SLC25A41: variants seen among roughly 807,000 people sequenced by gnomAD.
SLC25A41 encodes solute carrier family 25 member 41.
A neutral mutation model predicts 34.7 loss-of-function variants in SLC25A41; 35 were observed. The observed-to-expected ratio is 1.01, with a 90% CI of 0.77 to 1.34. SLC25A41 has a LOEUF of 1.34. Ranked by LOEUF, SLC25A41 falls within the 40% of genes most tolerant of loss-of-function variation. The pLI is 0.00. For missense variants in SLC25A41, 492 were observed against 489.8 expected (o/e 1.00, Z -0.04); for synonymous variants, 190 against 209.9 (o/e 0.91, Z 0.82).
In SLC25A41 at chr19:6,433,503, T is replaced by C. The variant is rs2092294941; in HGVS notation, c.191A>G (p.His64Arg). ...TAAACTCACCTGCTGTGACGGGAGA[T>C]GTTCAAGGTTGTTGTCATGCATGTG... ...FGHMHDNNLE[H>R]LPSQQVLDTG... is the part of the protein sequence containing the mutation. Residue 64 changes from histidine (H) to arginine (R), a missense_variant, in exon 1 of 7, where the codon CAT becomes CGT. Coordinates refer to ENST00000321510, the MANE Select transcript of SLC25A41 (RefSeq NM_173637.4). 1 of 1,612,354 alleles carries C rather than the reference T, an allele frequency of 6.2e-7. No individual in the cohort carries two copies. The highest frequency in any genetic ancestry group is 1.7e-5 in the Admixed American group (1 of 59,922).
rs1161336048 is a variant in SLC25A41, at chr19:6,429,745, C to T, written c.603G>A (p.Gln201=). 7 of 1,606,566 alleles carry T rather than the reference C, an allele frequency of 4.4e-6. No individual in the cohort carries two copies. The highest frequency in any genetic ancestry group is 5.1e-6 in the Non-Finnish European group (6 of 1,177,212). ...LAGSLAVAIS[Q]TLINPMEVLK... is the part of the protein sequence containing the mutation. ...TTACCTCCATGGGGTTGATGAGGGT[C>T]TGGGAGATGGCCACAGCCAGGGAGC... Residue 201 remains glutamine, a synonymous_variant, in exon 4 of 7, where the codon CAG becomes CAA. Transcript: ENST00000321510.
rs561953744 is a variant in SLC25A41 at position 6,427,766 on chromosome 19, C to T, written c.625-265G>A. Among the ~76,000 whole-genome samples, 4 of 152,292 alleles carry T rather than the reference C, an allele frequency of 2.6e-5. No individual in the cohort carries two copies. The highest frequency in any genetic ancestry group is 4.1e-4 in the South Asian group (2 of 4,826). On this transcript the variant is annotated intron_variant, in intron 4 of 6. Coordinates refer to ENST00000321510, the MANE Select transcript of SLC25A41 (RefSeq NM_173637.4). The surrounding 1 kb of genome is among the most constrained non-coding windows in gnomAD (Gnocchi z 4.9). ...CTTTGGGAGGCTGAGGCGGGAGGAT[C>T]GCTTGAGGCCGGGAGTTCGAGACCA...
In SLC25A41 at chr19:6,427,995, GGAAA is replaced by G. The variant is rs2092251964; in HGVS notation, c.625-498_625-495del. On this transcript the variant is annotated intron_variant, in intron 4 of 6. Coordinates refer to ENST00000321510, the MANE Select transcript of SLC25A41 (RefSeq NM_173637.4). This position sits in a 1 kb window ranked among gnomAD's most constrained non-coding sequence, Gnocchi z 4.9. The stretch of plus-strand genomic sequence containing the variant: ...ATGGCAAAAAGATCAAGCACTGGGG[GGAAA>G]GAAAGAGAGTGAATAGGTAGAAAAC... Among the ~76,000 whole-genome samples the G allele has an allele frequency of 6.6e-6, 1 of 152,076 alleles. No homozygotes were observed. Among genetic ancestry groups the G allele is most frequent in the Non-Finnish European group, 1.5e-5 (1 of 68,016 alleles).
chr19:6,430,215 C>A, intron 2 of SLC25A41, 54 bp from the exon 3 acceptor site: 1 of 1,532,020 alleles, frequency 6.5e-7, no homozygotes. Flanking sequence ...TCTCCGTCCC[C>A]ATCCCTGCCC....
rs1491568414 is a variant in SLC25A41, at chr19:6,429,144, A to ATATATG, written c.624+579_624+580insCATATA. On this transcript the variant is annotated intron_variant, in intron 4 of 6. Coordinates refer to ENST00000321510, the MANE Select transcript of SLC25A41 (RefSeq NM_173637.4). ...TTATATATATGTTATATATATATAT[A>ATATATG]ATATATATATTATATATATAATATA... Among the ~76,000 whole-genome samples the ATATATG allele has an allele frequency of 6.5e-5, 2 of 30,712 alleles. 1 individual carries two copies. Among genetic ancestry groups the ATATATG allele is most frequent in the Admixed American group, 1.6e-3 (2 of 1,230 alleles). 20.1% of individuals were successfully genotyped at this position (30,712 alleles called of 152,430 possible).
intron 2 of SLC25A41, among the ~76,000 whole-genome samples, 165 bp downstream of exon 2, chr19:6,431,884 C>T (rs2092286880): frequency 6.6e-6 from 1 of 152,142 alleles, no homozygotes; most frequent in African/African-American, 2.4e-5. Context: ...TCCACACCAG[C>T]TCTATCACCA....
At chr19:6,429,695 C>T in intron 4 of SLC25A41, 29 bp downstream of exon 4, 5 of 1,518,472 alleles carry the variant, frequency 3.3e-6, no homozygotes, top group Non-Finnish European at 3.5e-6. Context: ...CACGGCGTTT[C>T]CTCACCTGCG....
chr19:6,432,473 A>ATTTTTTTTTT (rs34519561), intron 1 of SLC25A41, among the ~76,000 whole-genome samples: 2 of 80,992 alleles, frequency 2.5e-5, no homozygotes, highest in African/African-American at 1.1e-4. Context: ...ACAACACCTA[A>ATTTTTTTTTT]TTTTTTTTTT....
chr19:6,429,144 A>ATATATATG (rs1491568414), intron 4 of SLC25A41, among the ~76,000 whole-genome samples: 1 of 30,712 alleles, frequency 3.3e-5, no homozygotes, highest in Non-Finnish European at 5.0e-5. Context: ...ATATATATAT[A>ATATATATG]ATATATATAT....
chr19:6,433,885 C>T (rs187655872), upstream of SLC25A41: 5,929 of 478,122 alleles, frequency 0.012, 62 homozygotes, highest in South Asian at 0.027. Context: ...ACCTCCTGAT[C>T]CCCCAAACCA....
In SLC25A41 at chr19:6,426,375, G is replaced by A. The variant is rs778736945; in HGVS notation, c.*14C>T. Reference sequence around the variant, plus strand: ...GTCCCATTTCTGCCTAGGCTGTGTCGTCCAGCTCACAGCCTATATGCCCAG... The same window carrying A: ...GTCCCATTTCTGCCTAGGCTGTGTCATCCAGCTCACAGCCTATATGCCCAG... On this transcript the variant is annotated 3_prime_UTR_variant, in exon 7 of 7. Transcript: ENST00000321510. The A allele has an allele frequency of 1.9e-6, 3 of 1,608,808 alleles. No individual in the cohort carries two copies. The highest frequency in any genetic ancestry group is 2.2e-5 in the East Asian group (1 of 44,676).
rs576925526 is a variant in SLC25A41 at position 6,433,595 on chromosome 19, G to C, written c.99C>G (p.Pro33=). ...AGGATGGGGGTGGAGGCGGAGGTTG[G>C]GGGGGAGGCGGGGCTTTGATGAGTA... is the stretch of plus-strand genomic sequence containing the variant. ...KTLLIKAPPP[P]QPPPPPPSWN... is the part of the protein sequence containing the mutation. Residue 33 remains proline (P), a synonymous_variant, in exon 1 of 7, where the codon CCC becomes CCG. Coordinates refer to ENST00000321510, the MANE Select transcript of SLC25A41 (RefSeq NM_173637.4). 2.5e-6 allele frequency: 4 copies of C among 1,611,160 alleles called. No homozygotes were observed. Among genetic ancestry groups the C allele is most frequent in the African/African-American group, 2.7e-5 (2 of 74,822 alleles).
chr19:6,435,881 C>A (rs2092309278), upstream of SLC25A41, among the ~76,000 whole-genome samples: 1 of 150,664 alleles, frequency 6.6e-6, no homozygotes, highest in Non-Finnish European at 1.5e-5. Flanking sequence ...AGTAGTCAGG[C>A]ATGGTGGTGT....
chr19:6,432,352 G>A, intron 1 of SLC25A41, 148 bp from the exon 2 acceptor site: 3 of 859,746 alleles, frequency 3.5e-6, no homozygotes, highest in South Asian at 1.8e-5. Context: ...TTGCTCTGCT[G>A]CCCAGGTTAG....
chr19:6,432,739 C>T (rs1050045747), intron 1 of SLC25A41, among the ~76,000 whole-genome samples: 1 of 150,946 alleles, frequency 6.6e-6, no homozygotes, highest in African/African-American at 2.4e-5. Flanking sequence ...GGTGTGATCT[C>T]GGCTCACTGC....
Position 6,426,495 on chromosome 19 carries a change from C to G in SLC25A41, c.1007G>C (p.Trp336Ser), listed in dbSNP as rs761066152. 13 of 1,613,624 alleles carry G rather than the reference C, an allele frequency of 8.1e-6. No individual in the cohort carries two copies. Among genetic ancestry groups the G allele is most frequent in the Non-Finnish European group, 1.1e-5 (13 of 1,179,846 alleles). ...VLQRILAQQG[W>S]LGLYRGMTPT... ...GGTCATGCCTCGGTACAGCCCTAGC[C>G]AGCCCTGCTGGGCCAGGATCCGCTG... The change falls in exon 7 of 7, where the codon TGG becomes TCG. Residue 336 changes from tryptophan (W) to serine (S), a missense_variant. Coordinates refer to ENST00000321510, the MANE Select transcript of SLC25A41 (RefSeq NM_173637.4).
Position 6,426,419 on chromosome 19 carries a change from G to A in SLC25A41, c.1083C>T (p.Tyr361=), listed in dbSNP as rs1199035295. The A allele has an allele frequency of 1.9e-6, 3 of 1,613,638 alleles. No homozygotes were observed. The Admixed American group carries it at 5.0e-5, about 27-fold the overall frequency. Residue 361 remains tyrosine, a synonymous_variant, in exon 7 of 7, where the codon TAC becomes TAT. Transcript: ENST00000321510. ...TGCCCAGGGTTTTCTTCATGGCTTC[G>A]TACACCACATAGCTGATGCCACCTG... ...LPAGGISYVV[Y]EAMKKTLGI
At chr19:6,434,823 T>G (rs1172378080), upstream of SLC25A41, among the ~76,000 whole-genome samples, 1 of 152,020 alleles carries the variant, frequency 6.6e-6, no homozygotes, top group Non-Finnish European at 1.5e-5. Flanking sequence ...ACAGGAGAAT[T>G]GCTTGAACCC....
chr19:6,427,349 G>A lies in SLC25A41; in HGVS notation c.777C>T (p.Asp259=), dbSNP rs1470243149. The A allele has an allele frequency of 6.2e-7, 1 of 1,607,894 alleles. No individual in the cohort carries two copies. Among genetic ancestry groups the A allele is most frequent in the South Asian group, 1.1e-5 (1 of 90,660 alleles). Residue 259 remains aspartate (D), a synonymous_variant, in exon 5 of 7, where the codon GAC becomes GAT. Transcript: ENST00000321510. The surrounding 1 kb of genome is among the most constrained non-coding windows in gnomAD (Gnocchi z 4.9). ...GGACCCATACCTCATAGACAGCCAG[G>A]TCGGTGCAGGCATAGGGGATGATGC... is the stretch of plus-strand genomic sequence containing the variant. ...MLGIIPYACT[D]LAVYEMLQCF... is the part of the protein sequence containing the mutation.
Sources: allele counts gnomAD v4.1 joint callset (sites outside exome capture counted in the v4.1 genomes callset), GRCh38; gene constraint gnomAD v4.1.1; non-coding constraint Gnocchi (gnomAD v3.1); transcripts MANE v1.5; gene names NCBI Gene and HGNC (gene_info 2026-07-23, HGNC 2026-07-21).